The following TNK2 variants were observed in gnomAD, a reference collection of about 807,000 sequenced individuals.
The protein encoded by TNK2 is activated CDC42 kinase 1.
TNK2 carries 83 observed loss-of-function variants against 101.8 expected under a neutral mutation model. The ratio of observed to expected loss-of-function variants is 0.82; its 90% CI spans 0.68 to 0.98. TNK2 has a LOEUF of 0.98. Among genes scored for constraint, TNK2 ranks in the 50% least tolerant of loss-of-function variants. TNK2 has a pLI of 0.00. For missense variants in TNK2, 1,665 were observed against 1,483.2 expected, an observed-to-expected ratio of 1.12 and a Z score of -2.01; for synonymous variants, 804 against 633.0, an observed-to-expected ratio of 1.27 and a Z score of -4.06.
At chr3:195,871,817 C>A (rs907137595) in intron 10 of TNK2, among the ~76,000 whole-genome samples, 3 of 152,194 alleles carry the variant, frequency 2.0e-5, no homozygotes, top group Admixed American at 1.3e-4. Context: ...GGGGGGTGAA[C>A]CTGTTTCACA....
intron 6 of TNK2, among the ~76,000 whole-genome samples, chr3:195,879,956 A>G (rs1023239692): frequency 5.3e-5 from 8 of 152,168 alleles, no homozygotes; most frequent in Non-Finnish European, 7.4e-5. Flanking sequence ...GCTGCTCTAA[A>G]TTACTCCAGG....
intron 1 of TNK2, chr3:195,895,122 C>A: frequency 1.1e-6 from 1 of 915,248 alleles, no homozygotes; most frequent in Non-Finnish European, 1.5e-6. Flanking sequence ...TCTCTGTCCC[C>A]TGGCCCAGGA....
chr3:195,873,507 G>A (rs967646471), intron 9 of TNK2, among the ~76,000 whole-genome samples: 3 of 151,510 alleles, frequency 2.0e-5, no homozygotes, highest in South Asian at 2.1e-4. Flanking sequence ...AGGCGGGGGC[G>A]GTGACAGCCC....
rs750520439 is a variant in TNK2 at position 195,885,105 on chromosome 3, G to T, written c.235-72C>A. On this transcript the variant is annotated intron_variant, in intron 3 of 15. Coordinates refer to ENST00000672887, the MANE Select transcript of TNK2 (RefSeq NM_001382273.1). This position sits in a 1 kb window ranked among gnomAD's most constrained non-coding sequence, Gnocchi z 4.7. ...TCAGTCACTCAGTCCCACCCCGCTGGGTCCACCTGGTGATCCCCGGCTTCG... is the reference window on the plus strand; with the variant it reads ...TCAGTCACTCAGTCCCACCCCGCTGTGTCCACCTGGTGATCCCCGGCTTCG... The T allele has an allele frequency of 1.9e-5, 27 of 1,419,976 alleles. No individual in the cohort carries two copies. In the Middle Eastern group the frequency reaches 1.3e-3, roughly 70 times the overall value. 88.0% of individuals were successfully genotyped at this position (1,419,976 alleles called of 1,614,324 possible). A position where few individuals can be genotyped will look rare whatever the true frequency, so the allele number is the denominator to read the frequency against.
intron 1 of TNK2, among the ~76,000 whole-genome samples, chr3:195,905,631 A>T (rs1761641138): frequency 6.6e-6 from 1 of 152,142 alleles, no homozygotes; most frequent in Non-Finnish European, 1.5e-5. Context: ...TGCACCACGT[A>T]ACAAAAATTA....
At chr3:195,866,813 G>A in intron 15 of TNK2, 76 bp downstream of exon 15, 2 of 1,549,862 alleles carry the variant, frequency 1.3e-6, no homozygotes. Flanking sequence ...GAGGTGTTGG[G>A]CTTCCTCCCA....
chr3:195,867,601 C>T lies in TNK2; in HGVS notation c.2697G>A (p.Glu899=), dbSNP rs756293762. 2.5e-6 allele frequency: 4 copies of T among 1,594,450 alleles called. No homozygotes were observed. The highest frequency in any genetic ancestry group is 1.1e-5 in the South Asian group (1 of 90,488). ...RFLREAQSPE[E]PTPLPVPLLL... is the part of the protein sequence containing the mutation. ...GCAGAGGCACAGGCAGGGGGGTAGG[C>T]TCCTCGGGGCTCTGGGCCTCACGCA... The change falls in exon 13 of 16, where the codon GAG becomes GAA. Residue 899 remains glutamate (E), a synonymous_variant. Coordinates refer to ENST00000672887, the MANE Select transcript of TNK2 (RefSeq NM_001382273.1).
chr3:195,884,707 G>T, intron 4 of TNK2, 105 bp downstream of exon 4: 2 of 1,039,336 alleles, frequency 1.9e-6, no homozygotes, highest in Non-Finnish European at 2.8e-6. Flanking sequence ...GAGCCACACT[G>T]TGACGCATCC....
intron 2 of TNK2, among the ~76,000 whole-genome samples, chr3:195,887,623 C>T (rs1433443750): frequency 2.0e-5 from 3 of 152,204 alleles, no homozygotes; most frequent in Admixed American, 6.5e-5. Flanking sequence ...AGCCCTAATA[C>T]GTTTCTAATG....
At chr3:195,867,296 G>C in intron 13 of TNK2, 32 bp from the exon 14 acceptor site, 1 of 1,611,826 alleles carries the variant, frequency 6.2e-7, no homozygotes, top group Non-Finnish European at 8.5e-7. Flanking sequence ...AGCACCACTA[G>C]GGCCCACTGC....
At chr3:195,900,093 G>T (rs149552240) in intron 1 of TNK2, among the ~76,000 whole-genome samples, 1 of 152,138 alleles carries the variant, frequency 6.6e-6, no homozygotes, top group Admixed American at 6.5e-5. Context: ...CTCAGAACCA[G>T]AACAACTCAG....
chr3:195,905,781 A>G (rs1761654411), intron 1 of TNK2, among the ~76,000 whole-genome samples: 1 of 152,226 alleles, frequency 6.6e-6, no homozygotes, highest in African/African-American at 2.4e-5. Context: ...CCACAAAGTA[A>G]CAAATTAGTA....
chr3:195,866,420 C>T (rs866679218), intron 15 of TNK2, among the ~76,000 whole-genome samples: 2 of 152,188 alleles, frequency 1.3e-5, no homozygotes, highest in Non-Finnish European at 2.9e-5. Flanking sequence ...AGGCTGGTCT[C>T]GAACTCCTGA....
intron 1 of TNK2, among the ~76,000 whole-genome samples, chr3:195,900,178 G>A (rs1761057129): frequency 6.6e-6 from 1 of 152,070 alleles, no homozygotes; most frequent in Admixed American, 6.5e-5. Flanking sequence ...GCGAAGGGGT[G>A]CTGGGGCGCG....
At chr3:195,869,567 G>A (rs367600651) in intron 11 of TNK2, 26 bp from the exon 12 acceptor site, 712 of 1,551,054 alleles carry the variant, frequency 4.6e-4, no homozygotes, top group Non-Finnish European at 5.9e-4. Context: ...TGCGGACAGG[G>A]GGAGAGAGAC....
At chr3:195,884,681 G>C in intron 4 of TNK2, 131 bp downstream of exon 4, 2 of 773,196 alleles carry the variant, frequency 2.6e-6, no homozygotes, top group Non-Finnish European at 4.0e-6. Flanking sequence ...AAAATCCTGA[G>C]CACGGACTCT....
At chr3:195,869,184 C>A in intron 12 of TNK2, 2 of 565,796 alleles carry the variant, frequency 3.5e-6, no homozygotes, top group Non-Finnish European at 6.4e-6. Context: ...CAGACAGCGC[C>A]TGCAGGTCTG....
chr3:195,884,146 G>C (rs1044105482), intron 4 of TNK2: 1 of 152,170 alleles, frequency 6.6e-6, no homozygotes. Flanking sequence ...GCAACGCCGA[G>C]AAGAAAGAAC....
chr3:195,885,748 C>T lies in TNK2; in HGVS notation c.235-715G>A. On this transcript the variant is annotated intron_variant, in intron 3 of 15. Transcript: ENST00000672887. The surrounding 1 kb of genome is among the most constrained non-coding windows in gnomAD (Gnocchi z 4.7). ...CAGGGAGGAGCCGAAGGTCAAGGGA[C>T]AGAAGAAAGGAGGCCATGAGGGTCA... The T allele has an allele frequency of 2.2e-6, 1 of 447,866 alleles. No individual in the cohort carries two copies. The highest frequency in any genetic ancestry group is 3.9e-6 in the Non-Finnish European group (1 of 256,412). The allele number at this position is 447,866 out of a possible 1,614,324, so 27.7% of individuals were successfully genotyped here.
Sources: gnomAD v4.1 joint callset for allele counts (sites outside exome capture counted in the v4.1 genomes callset) on GRCh38, gnomAD v4.1.1 for gene constraint, Gnocchi (gnomAD v3.1) non-coding constraint, MANE v1.5 for transcripts, NCBI Gene and HGNC (gene_info 2026-07-23, HGNC 2026-07-21) for gene names.